Variants in NBEA observed in about 807,000 individuals in gnomAD.
The protein encoded by NBEA is lysosomal-trafficking regulator 2.
NBEA carries 44 observed loss-of-function variants against 343.4 expected under a neutral mutation model. That is an observed-to-expected ratio of 0.13 (90% CI 0.10 to 0.16). NBEA has a LOEUF of 0.16. Among genes scored for constraint, NBEA ranks in the 10% least tolerant of loss-of-function variants. The pLI, the probability that NBEA is intolerant of heterozygous loss-of-function variation, is 1.00. For synonymous variants in NBEA, 1,175 were observed against 1,238.7 expected (o/e 0.95, Z 1.08); for missense variants, 2,555 against 3,631.3 (o/e 0.70, Z 7.62).
At chr13:35,620,807 T>C (rs1335639852) in intron 48 of NBEA, among the ~76,000 whole-genome samples, 1 of 152,114 alleles carries the variant, frequency 6.6e-6, no homozygotes, top group Non-Finnish European at 1.5e-5. Flanking sequence ...AATTTGAGCC[T>C]ATAGTCTCCC....
chr13:35,308,438 CTATATATATATATATATATATATATA>C (rs5802761), intron 35 of NBEA, among the ~76,000 whole-genome samples: 1 of 88,994 alleles, frequency 1.1e-5, no homozygotes, highest in Non-Finnish European at 2.1e-5. Flanking sequence ...CTGCTATTTA[CTATATATATATATATATATATATATA>C]TATATATATG....
rs117353065 is a variant in NBEA, at chr13:35,077,516, C to G, written c.1571+6664C>G. ...TAGCTGTTCCTGTATTTCCCACATACAATCTATCATGATAAACTATTGATA... is the reference window on the plus strand; with the variant it reads ...TAGCTGTTCCTGTATTTCCCACATAGAATCTATCATGATAAACTATTGATA... On this transcript the variant is annotated intron_variant, in intron 10 of 58. Transcript: ENST00000379939. 1.7e-3 allele frequency among the ~76,000 whole-genome samples: 252 copies of G among 152,242 alleles called. 1 individual carries two copies. Among genetic ancestry groups the G allele is most frequent in the Admixed American group, 2.9e-3 (45 of 15,280 alleles).
intron 29 of NBEA, among the ~76,000 whole-genome samples, chr13:35,183,240 T>A (rs1254828282): frequency 6.6e-6 from 1 of 152,010 alleles, no homozygotes; most frequent in Non-Finnish European, 1.5e-5. Flanking sequence ...TCATTATCAT[T>A]TCCTTCCAGG....
At chr13:35,034,813 T>TG (rs1416779229) in intron 1 of NBEA, among the ~76,000 whole-genome samples, 1 of 151,938 alleles carries the variant, frequency 6.6e-6, no homozygotes, top group Non-Finnish European at 1.5e-5. Flanking sequence ...CCAAATAATT[T>TG]GCGTGTGGTT....
At chr13:35,493,513 A>G (rs934968898) in intron 41 of NBEA, among the ~76,000 whole-genome samples, 2 of 151,934 alleles carry the variant, frequency 1.3e-5, no homozygotes, top group Non-Finnish European at 2.9e-5. Context: ...GTCCATCAGG[A>G]TATTTTGGTA....
At chr13:35,665,879 C>T (rs565859451) in intron 56 of NBEA, among the ~76,000 whole-genome samples, 15 of 152,330 alleles carry the variant, frequency 9.8e-5, no homozygotes, top group Admixed American at 7.2e-4. Flanking sequence ...CCACCCACCT[C>T]AGCCTCCCAA....
At chr13:34,973,073 A>G (rs2060050410) in intron 1 of NBEA, among the ~76,000 whole-genome samples, 1 of 151,850 alleles carries the variant, frequency 6.6e-6, no homozygotes, top group Non-Finnish European at 1.5e-5. Flanking sequence ...CTGGGGGTCC[A>G]CTGCAGTCCT....
chr13:35,120,146 C>T (rs1352447919), intron 16 of NBEA, among the ~76,000 whole-genome samples: 2 of 152,018 alleles, frequency 1.3e-5, no homozygotes, highest in Non-Finnish European at 2.9e-5. Context: ...CTTAGATTGT[C>T]TAGTATGATG....
intron 41 of NBEA, among the ~76,000 whole-genome samples, chr13:35,542,015 G>T (rs1440597558): frequency 6.6e-6 from 1 of 151,958 alleles, no homozygotes; most frequent in Non-Finnish European, 1.5e-5. Flanking sequence ...AAGAGAGGCA[G>T]ACCCAGGGGA....
rs188912806 is a variant in NBEA at position 34,988,661 on chromosome 13, C to T, written c.294+45547C>T. Among the ~76,000 whole-genome samples, 12 of 151,086 alleles carry T rather than the reference C, an allele frequency of 7.9e-5. 1 individual carries two copies. Among genetic ancestry groups the T allele is most frequent in the East Asian group, 3.9e-4 (2 of 5,170 alleles). ...GCTGCGGACCAGAGCTGTTCCTATT[C>T]GGCCATCTTGGACTGACCTTTGTAT... On this transcript the variant is annotated intron_variant, in intron 1 of 58. Coordinates refer to ENST00000379939, the MANE Select transcript of NBEA (RefSeq NM_001385012.1).
intron 11 of NBEA, among the ~76,000 whole-genome samples, chr13:35,101,092 C>T (rs1383082687): frequency 6.6e-6 from 1 of 151,972 alleles, no homozygotes; most frequent in Non-Finnish European, 1.5e-5. Flanking sequence ...TTTTGCTTCT[C>T]CATTCATCAG....
intron 38 of NBEA, among the ~76,000 whole-genome samples, chr13:35,357,689 G>C (rs675673): frequency 0.27 from 40,432 of 151,874 alleles, 6,476 homozygotes; most frequent in African/African-American, 0.45. Context: ...TTTCTTTATA[G>C]AGTCTATCAT....
chr13:35,109,122 A>G (rs910925996), intron 11 of NBEA, among the ~76,000 whole-genome samples, 168 bp from the exon 12 acceptor site: 1 of 152,136 alleles, frequency 6.6e-6, no homozygotes, highest in African/African-American at 2.4e-5. Context: ...AAATAGCTGA[A>G]ATTTTAGATC....
At chr13:35,305,147 CT>C (rs1159313624) in intron 35 of NBEA, among the ~76,000 whole-genome samples, 1 of 152,084 alleles carries the variant, frequency 6.6e-6, no homozygotes, top group Admixed American at 6.6e-5. Flanking sequence ...TAACTATTTT[CT>C]TTTAGAGTGA....
chr13:35,109,854 A>G (rs1484895853), intron 12 of NBEA, among the ~76,000 whole-genome samples: 2 of 151,918 alleles, frequency 1.3e-5, no homozygotes, highest in East Asian at 3.8e-4. Flanking sequence ...AAATATATAC[A>G]TGAATTAAAT....
In NBEA at chr13:35,338,983, A is replaced by G. The variant is rs114316162; in HGVS notation, c.5904-10125A>G. Among the ~76,000 whole-genome samples, 578 of 152,194 alleles carry G rather than the reference A, an allele frequency of 3.8e-3. 2 individuals are homozygous for G. The highest frequency in any genetic ancestry group is 0.013 in the African/African-American group (532 of 41,552). On this transcript the variant is annotated intron_variant, in intron 36 of 58. Coordinates refer to ENST00000379939, the MANE Select transcript of NBEA (RefSeq NM_001385012.1). ...AAATACTCAACATATTAGGAAAGGA[A>G]GGAAGCTTTCTCAGTCTGATAAGTG...
In NBEA at chr13:35,157,256, A is replaced by G. The variant is rs1370598834; in HGVS notation, c.2830A>G (p.Ile944Val). 6.4e-7 allele frequency: 1 copy of G among 1,573,198 alleles called. No homozygotes were observed. The highest frequency in any genetic ancestry group is 8.6e-7 in the Non-Finnish European group (1 of 1,160,100). The change falls in exon 21 of 59, where the codon ATA (isoleucine) becomes GTA (valine). Residue 944 changes from isoleucine (I) to valine (V), a missense_variant. By Grantham distance (29) the Ile-to-Val change is conservative. Transcript: ENST00000379939. ...GAGAGTCTGGGTGGATACCCTCTCAATAGCCCATTCCAAGGTAACACGGGA... is the reference window on the plus strand; with the variant it reads ...GAGAGTCTGGGTGGATACCCTCTCAGTAGCCCATTCCAAGGTAACACGGGA... ...GWRVWVDTLS[I>V]AHSKVTYEAH...
At chr13:34,964,723 G>GGGCC (rs1593299726) in intron 1 of NBEA, among the ~76,000 whole-genome samples, 1 of 151,936 alleles carries the variant, frequency 6.6e-6, no homozygotes, top group East Asian at 1.9e-4. Context: ...AAATGACAAT[G>GGGCC]GGCCACAAGG....
At chr13:35,173,707 T>C (rs2070653429) in intron 27 of NBEA, 113 bp downstream of exon 27, 2 of 1,005,178 alleles carry the variant, frequency 2.0e-6, no homozygotes, top group Non-Finnish European at 2.8e-6. Context: ...AAGGACATTG[T>C]CATTAGGCAG....
Sources: allele counts gnomAD v4.1 joint callset (sites outside exome capture counted in the v4.1 genomes callset), GRCh38; gene constraint gnomAD v4.1.1; transcripts MANE v1.5; gene names NCBI Gene and HGNC (gene_info 2026-07-23, HGNC 2026-07-21).